Variants in ADAMTS3 observed in about 807,000 individuals in gnomAD.
ADAMTS3 encodes ADAM metallopeptidase with thrombospondin type 1 motif 3.
In ADAMTS3, 73 loss-of-function variants were observed where a neutral mutation model predicts 129.0. The ratio of observed to expected loss-of-function variants is 0.57; its 90% CI spans 0.47 to 0.69. ADAMTS3 has a LOEUF of 0.69. Among genes scored for constraint, ADAMTS3 ranks in the 30% least tolerant of loss-of-function variants. The probability of loss-of-function intolerance (pLI) is 0.00; values close to 1 mark genes in which losing one functional copy is unlikely to be tolerated. For missense variants in ADAMTS3, 1,457 were observed against 1,514.5 expected (o/e 0.96, Z 0.63); for synonymous variants, 477 against 510.8 (o/e 0.93, Z 0.89).
At chr4:72,408,775 G>A (rs1435794516) in intron 4 of ADAMTS3, among the ~76,000 whole-genome samples, 8 of 150,704 alleles carry the variant, frequency 5.3e-5, no homozygotes, top group African/African-American at 1.9e-4. Context: ...AAAAGGATGA[G>A]TTCATGTCCT....
intron 4 of ADAMTS3, among the ~76,000 whole-genome samples, chr4:72,365,790 GT>G (rs1364812076): frequency 1.3e-5 from 2 of 152,258 alleles, no homozygotes. Flanking sequence ...TAGAATTTTG[GT>G]TTTATCTTTC....
At position 72,368,706 on chromosome 4, in the gene ADAMTS3, C is replaced by T. The variant is rs545726776; in HGVS notation, c.662-29013G>A. Reference sequence around the variant, plus strand: ...CCAGTGATTGATGCCAAAATGACTTCAGAACAAGCCTAGAAACACATGTTT... The same window carrying T: ...CCAGTGATTGATGCCAAAATGACTTTAGAACAAGCCTAGAAACACATGTTT... On this transcript the variant is annotated intron_variant, in intron 4 of 21. Transcript: ENST00000286657. Among the ~76,000 whole-genome samples, 8 of 152,282 alleles carry T rather than the reference C, an allele frequency of 5.3e-5. No homozygotes were observed. The East Asian group carries it at 1.5e-3, about 29-fold the overall frequency.
chr4:72,304,364 A>C (rs1409220466), intron 16 of ADAMTS3, among the ~76,000 whole-genome samples: 1 of 152,150 alleles, frequency 6.6e-6, no homozygotes, highest in Non-Finnish European at 1.5e-5. Flanking sequence ...CAAAGAGGTT[A>C]ATAGTTTCTA....
intron 5 of ADAMTS3, among the ~76,000 whole-genome samples, chr4:72,330,172 C>A (rs1026852179): frequency 1.3e-5 from 2 of 152,074 alleles, no homozygotes; most frequent in Non-Finnish European, 2.9e-5. Context: ...GTGCACACCA[C>A]CACACCTGGC....
chr4:72,346,658 G>A (rs1720294077), intron 4 of ADAMTS3, among the ~76,000 whole-genome samples: 1 of 152,120 alleles, frequency 6.6e-6, no homozygotes. Context: ...ATAAACAACA[G>A]TATTTTTACT....
intron 3 of ADAMTS3, among the ~76,000 whole-genome samples, chr4:72,424,762 T>A (rs974861264): frequency 1.3e-5 from 2 of 152,162 alleles, no homozygotes; most frequent in African/African-American, 4.8e-5. Flanking sequence ...TAGTTCATTT[T>A]TATTACAAAC....
intron 4 of ADAMTS3, among the ~76,000 whole-genome samples, chr4:72,378,825 T>G (rs771661828): frequency 6.6e-6 from 1 of 152,134 alleles, no homozygotes; most frequent in Non-Finnish European, 1.5e-5. Flanking sequence ...TAATTCAGGC[T>G]CTCACAAAGC....
At chr4:72,439,396 C>G (rs1718052172) in intron 3 of ADAMTS3, among the ~76,000 whole-genome samples, 1 of 151,508 alleles carries the variant, frequency 6.6e-6, no homozygotes, top group Non-Finnish European at 1.5e-5. Context: ...ACATGTTTTC[C>G]CTCCAACACC....
At chr4:72,494,841 C>T (rs182749927) in intron 3 of ADAMTS3, among the ~76,000 whole-genome samples, 2 of 152,256 alleles carry the variant, frequency 1.3e-5, no homozygotes, top group East Asian at 3.9e-4. Flanking sequence ...ACAATGAAAT[C>T]TCCACAGAGT....
At chr4:72,464,510 A>C (rs1718866565) in intron 3 of ADAMTS3, among the ~76,000 whole-genome samples, 1 of 152,038 alleles carries the variant, frequency 6.6e-6, no homozygotes, top group Admixed American at 6.6e-5. Context: ...AAAAGATTTT[A>C]CAGAAAACTA....
In ADAMTS3 at chr4:72,503,804, G is replaced by A. The variant is rs976411065; in HGVS notation, c.504+44674C>T. ...CAATGTTGGATGTGTATATATTTAAGACTGTTAAGTCTTCTTGTTGAATTT... is the reference window on the plus strand; with the variant it reads ...CAATGTTGGATGTGTATATATTTAAAACTGTTAAGTCTTCTTGTTGAATTT... On this transcript the variant is annotated intron_variant, in intron 3 of 21. Transcript: ENST00000286657. Among the ~76,000 whole-genome samples, 4 of 152,266 alleles carry A rather than the reference G, an allele frequency of 2.6e-5. No homozygotes were observed. The East Asian group carries it at 5.8e-4, about 22-fold the overall frequency.
intron 4 of ADAMTS3, among the ~76,000 whole-genome samples, chr4:72,400,338 G>T (rs1314792286): frequency 7.1e-6 from 1 of 141,470 alleles, no homozygotes; most frequent in Non-Finnish European, 1.5e-5. Flanking sequence ...ATATACACAC[G>T]GTGTGTATAT....
chr4:72,342,629 C>T (rs1720168925), intron 4 of ADAMTS3, among the ~76,000 whole-genome samples: 2 of 152,162 alleles, frequency 1.3e-5, no homozygotes, highest in Non-Finnish European at 2.9e-5. Flanking sequence ...GCCTCAGCCT[C>T]CCAAAGTGCT....
Position 72,283,704 on chromosome 4 carries a change from T to C in ADAMTS3, c.3050A>G (p.Asp1017Gly). Residue 1017 changes from aspartate (D) to glycine (G), a missense_variant and splice_region_variant, in exon 22 of 22, where the codon GAT (aspartate) becomes GGT (glycine). Coordinates refer to ENST00000286657, the MANE Select transcript of ADAMTS3 (RefSeq NM_014243.3). ...VRACQLPPCNDEPCLGDKSIF... is the reference protein window; with the variant it reads ...VRACQLPPCNGEPCLGDKSIF... ...GGACTTGTCTCCCAAACATGGTTCA[T>C]CTGCAAAAATAAAAAGAAAATAAAC... The C allele has an allele frequency of 1.9e-6, 3 of 1,544,408 alleles. No individual in the cohort carries two copies. The highest frequency in any genetic ancestry group is 1.7e-6 in the Non-Finnish European group (2 of 1,143,324).
At position 72,481,691 on chromosome 4, in the gene ADAMTS3, A is replaced by G. The variant is rs115598954; in HGVS notation, c.505-66720T>C. ...AAAACTGATTAATTGGACTCCATCAAAATTAAAAATTTTCTCTGCAAAAGG... is the reference window on the plus strand; with the variant it reads ...AAAACTGATTAATTGGACTCCATCAGAATTAAAAATTTTCTCTGCAAAAGG... On this transcript the variant is annotated intron_variant, in intron 3 of 21. Transcript: ENST00000286657. 5.4e-3 allele frequency among the ~76,000 whole-genome samples: 820 copies of G among 152,244 alleles called. 5 individuals are homozygous for G. Among genetic ancestry groups the G allele is most frequent in the African/African-American group, 0.019 (793 of 41,562 alleles).
intron 3 of ADAMTS3, among the ~76,000 whole-genome samples, chr4:72,510,951 A>AG (rs926118056): frequency 3.2e-4 from 49 of 152,258 alleles, no homozygotes; most frequent in Admixed American, 9.2e-4. Context: ...GGAACAGAAT[A>AG]GAGAACCCAG....
At chr4:72,422,740 C>T (rs887140475) in intron 3 of ADAMTS3, among the ~76,000 whole-genome samples, 7 of 152,014 alleles carry the variant, frequency 4.6e-5, no homozygotes, top group African/African-American at 1.7e-4. Flanking sequence ...ATATTTGAAG[C>T]CCAATTATAA....
chr4:72,430,945 CAGTAACAGAT>C (rs1415422443), intron 3 of ADAMTS3, among the ~76,000 whole-genome samples: 1 of 151,246 alleles, frequency 6.6e-6, no homozygotes, highest in African/African-American at 2.4e-5. Context: ...TTAAAGGAAT[CAGTAACAGAT>C]AGTAACCAAG....
intron 3 of ADAMTS3, among the ~76,000 whole-genome samples, chr4:72,437,518 A>T (rs1717976683): frequency 6.6e-6 from 1 of 151,720 alleles, no homozygotes; most frequent in African/African-American, 2.4e-5. Context: ...TAGCATGATC[A>T]TAGTCCTATT....
Sources: gnomAD v4.1 joint callset for allele counts (sites outside exome capture counted in the v4.1 genomes callset) on GRCh38, gnomAD v4.1.1 for gene constraint, MANE v1.5 for transcripts, NCBI Gene and HGNC (gene_info 2026-07-23, HGNC 2026-07-21) for gene names.